The following SNED1 variants were observed in gnomAD, a reference collection of about 807,000 sequenced individuals.
SNED1 encodes the protein sushi, nidogen and EGF-like domain-containing protein 1.
Under a neutral mutation model 166.7 loss-of-function variants are expected in SNED1, and 81 were observed. That is an observed-to-expected ratio of 0.49 (90% CI 0.41 to 0.58). The LOEUF (loss-of-function observed/expected upper bound fraction) is 0.58, where lower values mean the gene tolerates loss of function less well. Ranked by LOEUF, SNED1 falls within the 20% of genes least tolerant of loss-of-function variation. The pLI is 0.00. For missense variants in SNED1, 1,604 were observed against 2,000.2 expected (o/e 0.80, Z 3.78); for synonymous variants, 762 against 822.0 (o/e 0.93, Z 1.25).
chr2:241,036,428 G>T (rs1363806283), intron 4 of SNED1, among the ~76,000 whole-genome samples: 2 of 152,100 alleles, frequency 1.3e-5, no homozygotes, highest in East Asian at 3.9e-4. Context: ...CTGAGTGCCA[G>T]CCTCGGGTTT....
rs2061389615 is a variant in SNED1 at position 241,036,902 on chromosome 2, G to A, written c.918G>A (p.Arg306=). 1 of 1,610,678 alleles carries A rather than the reference G, an allele frequency of 6.2e-7. No homozygotes were observed. The highest frequency in any genetic ancestry group is 8.5e-7 in the Non-Finnish European group (1 of 1,179,304). The change falls in exon 5 of 32, where the codon CGG becomes CGA. Residue 306 remains arginine, a synonymous_variant. Coordinates refer to ENST00000310397, the MANE Select transcript of SNED1 (RefSeq NM_001080437.3). ...CCTGCCTCTCGGGCTTCACGGGGCG[G>A]AGGTGCCACCTGGGTGAGTGACTGG... ...TCSCLSGFTG[R]RCHLDVNECA... is the part of the protein sequence containing the mutation.
intron 8 of SNED1, among the ~76,000 whole-genome samples, chr2:241,047,411 G>A (rs1240606373): frequency 2.0e-5 from 3 of 152,216 alleles, no homozygotes; most frequent in South Asian, 2.1e-4. Context: ...TGGAGATTTC[G>A]ACACTCCCCT....
At chr2:241,062,064 A>G (rs2062251441) in intron 16 of SNED1, among the ~76,000 whole-genome samples, 1 of 152,208 alleles carries the variant, frequency 6.6e-6, no homozygotes, top group African/African-American at 2.4e-5. Context: ...ATGATGTACT[A>G]TGAATAAAGT....
At chr2:241,002,994 T>G (rs2060120273) in intron 1 of SNED1, among the ~76,000 whole-genome samples, 1 of 151,894 alleles carries the variant, frequency 6.6e-6, no homozygotes, top group Admixed American at 6.6e-5. Context: ...GACCTCCAGC[T>G]CTTGGCCTTT....
intron 27 of SNED1, among the ~76,000 whole-genome samples, chr2:241,076,015 C>T (rs146414983): frequency 3.3e-5 from 5 of 152,346 alleles, no homozygotes; most frequent in African/African-American, 1.2e-4. Flanking sequence ...TTTGATACAT[C>T]TGTGCCAATA....
intron 1 of SNED1, among the ~76,000 whole-genome samples, chr2:241,021,319 T>C (rs1187382924): frequency 2.0e-5 from 3 of 152,212 alleles, no homozygotes; most frequent in Non-Finnish European, 4.4e-5. Context: ...CAGTTCACTC[T>C]TTTAAAGTAT....
chr2:241,048,463 G>A (rs1314027960), intron 9 of SNED1, 23 bp downstream of exon 9: 2 of 1,578,496 alleles, frequency 1.3e-6, no homozygotes, highest in Admixed American at 1.8e-5. Flanking sequence ...TGCAAGGGCT[G>A]CCGTTTTAGG....
intron 16 of SNED1, among the ~76,000 whole-genome samples, chr2:241,056,176 G>A (rs952647782): frequency 1.3e-5 from 2 of 152,224 alleles, no homozygotes; most frequent in African/African-American, 2.4e-5. Flanking sequence ...AAAGAAAAAC[G>A]AGAGGCAGAA....
At chr2:241,014,596 T>TTG (rs1370796045) in intron 1 of SNED1, among the ~76,000 whole-genome samples, 1 of 152,206 alleles carries the variant, frequency 6.6e-6, no homozygotes, top group Non-Finnish European at 1.5e-5. Flanking sequence ...TTTTCCCTCT[T>TTG]TTCTACAGAG....
At chr2:241,042,842 A>G (rs1049759340) in intron 8 of SNED1, among the ~76,000 whole-genome samples, 1 of 152,236 alleles carries the variant, frequency 6.6e-6, no homozygotes, top group Non-Finnish European at 1.5e-5. Flanking sequence ...TAAAAGAAAA[A>G]GAAGAGATCT....
In SNED1 at chr2:241,069,868, C is replaced by T; in HGVS notation, c.3308-52C>T. On this transcript the variant is annotated intron_variant, in intron 23 of 31. Coordinates refer to ENST00000310397, the MANE Select transcript of SNED1 (RefSeq NM_001080437.3). This position sits in a 1 kb window ranked among gnomAD's most constrained non-coding sequence, Gnocchi z 4.9. ...TCCGGTTCTCAAACCGTGTTCTTGC[C>T]AGAAGACCCTGTGGGCACCCCCTCA... The T allele has an allele frequency of 6.3e-7, 1 of 1,579,984 alleles. No individual in the cohort carries two copies. The highest frequency in any genetic ancestry group is 8.6e-7 in the Non-Finnish European group (1 of 1,163,376).
chr2:241,090,339 A>G (rs1420087646), intron 31 of SNED1: 3 of 1,550,322 alleles, frequency 1.9e-6, no homozygotes, highest in African/African-American at 1.4e-5. Flanking sequence ...AGTAACACAC[A>G]TGGAGCTGCC....
At chr2:241,008,826 C>G (rs1054492579) in intron 1 of SNED1, among the ~76,000 whole-genome samples, 3 of 152,250 alleles carry the variant, frequency 2.0e-5, no homozygotes, top group Non-Finnish European at 2.9e-5. Context: ...TGTGGCCAGC[C>G]CAGGCCCCTG....
In SNED1 at chr2:241,069,798, C is replaced by G; in HGVS notation, c.3308-122C>G. On this transcript the variant is annotated intron_variant, in intron 23 of 31. Transcript: ENST00000310397. This position sits in a 1 kb window ranked among gnomAD's most constrained non-coding sequence, Gnocchi z 4.9. ...CCCCGCCTCGGCACTGTACCATTCT[C>G]CATAATAAAGAATCTGGCTTCCAGC... 1 of 1,158,780 alleles carries G rather than the reference C, an allele frequency of 8.6e-7. No individual in the cohort carries two copies. Among genetic ancestry groups the G allele is most frequent in the East Asian group, 2.4e-5 (1 of 41,350 alleles). 71.8% of individuals were successfully genotyped at this position (1,158,780 alleles called of 1,614,324 possible).
chr2:241,052,267 G>A, intron 14 of SNED1, 88 bp from the exon 15 acceptor site: 3 of 1,431,510 alleles, frequency 2.1e-6, no homozygotes, highest in South Asian at 2.4e-5. Context: ...CGCAGGAGGT[G>A]GAGCTGGGTG....
Position 241,071,587 on chromosome 2 carries a change from G to T in SNED1, c.3601G>T (p.Gly1201Cys). 2 of 1,587,184 alleles carry T rather than the reference G, an allele frequency of 1.3e-6. No individual in the cohort carries two copies. The highest frequency in any genetic ancestry group is 2.3e-5 in the South Asian group (2 of 87,848). Residue 1201 changes from glycine (G) to cysteine (C), a missense_variant, in exon 25 of 32, where the codon GGC becomes TGC. Around this residue, in one of 2 missense-constraint regions of SNED1, gnomAD observed 367 missense variants for 379.4 expected, o/e 0.97. Transcript: ENST00000310397. Reference protein sequence around the residue: ...HLYIITSPRDGADRRWHQGGH... With the variant: ...HLYIITSPRDCADRRWHQGGH... Reference sequence around the variant, plus strand: ...TGCCTGCTCTGCAGCCCCCAGGGATGGCGCTGACAGACGCTGGCACCAGGG... The same window carrying T: ...TGCCTGCTCTGCAGCCCCCAGGGATTGCGCTGACAGACGCTGGCACCAGGG...
chr2:241,050,331 A>G (rs893515126), intron 12 of SNED1, among the ~76,000 whole-genome samples: 1 of 152,172 alleles, frequency 6.6e-6, no homozygotes, highest in African/African-American at 2.4e-5. Context: ...TCCTTCTGTA[A>G]GCACACTGCA....
Position 241,073,384 on chromosome 2 carries a change from G to A in SNED1, c.3916+20G>A. The A allele has an allele frequency of 6.5e-7, 1 of 1,543,772 alleles. No individual in the cohort carries two copies. Among genetic ancestry groups the A allele is most frequent in the Non-Finnish European group, 8.8e-7 (1 of 1,139,118 alleles). ...TCGGAAGTGAGTCAGCAGCGCTGGT[G>A]GGGACTTTGGGACTGACTGACTGCT... On this transcript the variant is annotated intron_variant, in intron 27 of 31. Transcript: ENST00000310397. The surrounding 1 kb of genome is among the most constrained non-coding windows in gnomAD (Gnocchi z 6.6).
At chr2:241,047,059 C>G (rs1391088969) in intron 8 of SNED1, among the ~76,000 whole-genome samples, 1 of 149,782 alleles carries the variant, frequency 6.7e-6, no homozygotes, top group Non-Finnish European at 1.5e-5. Context: ...AGGAGAATCA[C>G]TTGAACCCCA....
Sources: allele counts gnomAD v4.1 joint callset (sites outside exome capture counted in the v4.1 genomes callset), GRCh38; gene constraint gnomAD v4.1.1; regional missense constraint gnomAD v4.1.1; non-coding constraint Gnocchi (gnomAD v3.1); transcripts MANE v1.5; gene names NCBI Gene and HGNC (gene_info 2026-07-23, HGNC 2026-07-21).